The following MAST4 variants were observed in gnomAD, a reference collection of about 807,000 sequenced individuals.
The protein encoded by MAST4 is microtubule associated serine/threonine kinase family member 4.
In MAST4, 89 loss-of-function variants were observed where a neutral mutation model predicts 162.7. The ratio of observed to expected loss-of-function variants is 0.55; its 90% CI spans 0.46 to 0.65. The LOEUF (loss-of-function observed/expected upper bound fraction) is 0.65. Ranked by LOEUF, MAST4 falls within the 30% of genes least tolerant of loss-of-function variation. MAST4 has a pLI of 0.00. For synonymous variants in MAST4, 1,479 were observed against 1,361.1 expected, an observed-to-expected ratio of 1.09 and a Z score of -1.91; for missense variants, 3,153 against 3,374.0, an observed-to-expected ratio of 0.93 and a Z score of 1.62.
intron 1 of MAST4, among the ~76,000 whole-genome samples, chr5:66,666,044 T>G (rs1747236168): frequency 6.6e-6 from 1 of 152,216 alleles, no homozygotes; most frequent in African/African-American, 2.4e-5. Flanking sequence ...TCTAGTTTAA[T>G]TGGTTTAGGT....
chr5:66,749,147 T>C (rs1289882951), intron 1 of MAST4, among the ~76,000 whole-genome samples: 2 of 152,070 alleles, frequency 1.3e-5, no homozygotes, highest in Non-Finnish European at 2.9e-5. Flanking sequence ...CCTAGGGCGA[T>C]AGTGACATTT....
At chr5:66,897,480 C>T (rs1420674397) in intron 3 of MAST4, among the ~76,000 whole-genome samples, 5 of 152,246 alleles carry the variant, frequency 3.3e-5, no homozygotes, top group African/African-American at 1.2e-4. Flanking sequence ...GCTGCAACCG[C>T]TTAGCCCTCC....
At chr5:67,046,439 C>T (rs957010838) in intron 4 of MAST4, among the ~76,000 whole-genome samples, 29 of 152,182 alleles carry the variant, frequency 1.9e-4, no homozygotes, top group African/African-American at 7.0e-4. Context: ...TGTTGTATCT[C>T]TTTTCCAGAT....
At chr5:66,958,989 C>A in intron 4 of MAST4, 2 of 398,662 alleles carry the variant, frequency 5.0e-6, no homozygotes, top group East Asian at 3.6e-5. Context: ...AAACCAATTA[C>A]TTGATATGCA....
intron 4 of MAST4, among the ~76,000 whole-genome samples, chr5:66,982,304 C>T (rs896833643): frequency 2.0e-5 from 3 of 152,096 alleles, no homozygotes; most frequent in African/African-American, 7.2e-5. Flanking sequence ...TTTTTCCTTA[C>T]TTAGGGAGAC....
intron 1 of MAST4, among the ~76,000 whole-genome samples, chr5:66,641,105 A>G (rs1031391589): frequency 1.3e-5 from 2 of 152,106 alleles, no homozygotes; most frequent in African/African-American, 2.4e-5. Flanking sequence ...TATTCAGTCA[A>G]TGGACTGAAT....
At chr5:66,693,768 A>C (rs952100050) in intron 1 of MAST4, among the ~76,000 whole-genome samples, 1 of 129,784 alleles carries the variant, frequency 7.7e-6, no homozygotes, top group Non-Finnish European at 1.6e-5. Flanking sequence ...TTTTTAAGCT[A>C]GATGGGGGTG....
At chr5:66,881,107 C>A (rs963006154) in intron 3 of MAST4, among the ~76,000 whole-genome samples, 1 of 152,210 alleles carries the variant, frequency 6.6e-6, no homozygotes, top group Admixed American at 6.5e-5. Context: ...CCCAGAAGAT[C>A]CCATTGTGCT....
intron 1 of MAST4, among the ~76,000 whole-genome samples, chr5:66,702,555 G>C (rs1174064789): frequency 6.6e-6 from 1 of 152,140 alleles, no homozygotes; most frequent in African/African-American, 2.4e-5. Context: ...TAACATTTGG[G>C]TAGAGGCCAG....
chr5:66,655,396 G>C (rs182391108), intron 1 of MAST4, among the ~76,000 whole-genome samples: 3 of 152,118 alleles, frequency 2.0e-5, no homozygotes, highest in Non-Finnish European at 2.9e-5. Flanking sequence ...TTTGGTTCCT[G>C]GTCAGTAATA....
chr5:66,703,658 AC>A (rs929982992), intron 1 of MAST4, among the ~76,000 whole-genome samples: 1 of 152,144 alleles, frequency 6.6e-6, no homozygotes, highest in African/African-American at 2.4e-5. Context: ...TTTTTAGTAA[AC>A]ATACAGAGTT....
chr5:67,078,939 T>TA (rs1410806701), intron 5 of MAST4, among the ~76,000 whole-genome samples: 2 of 97,186 alleles, frequency 2.1e-5, no homozygotes, highest in African/African-American at 9.7e-5. Flanking sequence ...TATATATATA[T>TA]ATATATATAT....
intron 3 of MAST4, among the ~76,000 whole-genome samples, chr5:66,837,815 T>C (rs1015089939): frequency 9.4e-5 from 14 of 148,594 alleles, no homozygotes; most frequent in Non-Finnish European, 1.9e-4. Flanking sequence ...TTAAAATGTA[T>C]GTCAGTGCTT....
chr5:66,757,010 AT>A, intron 1 of MAST4, among the ~76,000 whole-genome samples: 1 of 152,102 alleles, frequency 6.6e-6, no homozygotes, highest in Non-Finnish European at 1.5e-5. Context: ...TATGTGATGA[AT>A]TAGGTTTTTT....
intron 1 of MAST4, among the ~76,000 whole-genome samples, chr5:66,649,307 T>G (rs751812598): frequency 3.3e-5 from 5 of 151,904 alleles, no homozygotes; most frequent in Non-Finnish European, 7.4e-5. Context: ...AAATGAGAGG[T>G]GAGAAAAATT....
At chr5:67,093,435 A>G (rs1038479447) in intron 6 of MAST4, among the ~76,000 whole-genome samples, 5 of 152,234 alleles carry the variant, frequency 3.3e-5, no homozygotes, top group Non-Finnish European at 7.3e-5. Context: ...TAAGTACTGT[A>G]GATAGCATGT....
At chr5:66,767,596 T>C (rs900199781) in intron 2 of MAST4, among the ~76,000 whole-genome samples, 9 of 151,792 alleles carry the variant, frequency 5.9e-5, no homozygotes, top group Non-Finnish European at 1.0e-4. Flanking sequence ...ACAGAACTAA[T>C]AGGATATATA....
In MAST4 at chr5:67,153,504, G is replaced by T; in HGVS notation, c.3572G>T (p.Gly1191Val). The T allele has an allele frequency of 1.2e-6, 2 of 1,603,762 alleles. No homozygotes were observed. The highest frequency in any genetic ancestry group is 1.7e-6 in the Non-Finnish European group (2 of 1,174,808). The stretch of plus-strand genomic sequence containing the variant: ...GCATGCCAGGCAGGACTGAAGGCTG[G>T]AGATCTTATCACTCACATCAATGGA... ...SPACQAGLKA[G>V]DLITHINGEP... Residue 1191 changes from glycine to valine, a missense_variant, in exon 26 of 29, where the codon GGA (glycine) becomes GTA (valine). Transcript: ENST00000403625.
intron 3 of MAST4, among the ~76,000 whole-genome samples, chr5:66,879,502 T>G (rs887399316): frequency 1.3e-5 from 2 of 152,132 alleles, no homozygotes; most frequent in Non-Finnish European, 2.9e-5. Context: ...AATAGCTTGC[T>G]TTCTTTGTTT....
Sources: gnomAD v4.1 joint callset for allele counts (sites outside exome capture counted in the v4.1 genomes callset) on GRCh38, gnomAD v4.1.1 for gene constraint, MANE v1.5 for transcripts, NCBI Gene and HGNC (gene_info 2026-07-23, HGNC 2026-07-21) for gene names.